Variants in SNX29 observed in about 807,000 individuals in gnomAD.
SNX29 encodes the protein sorting nexin-29.
In SNX29, 78 loss-of-function variants were observed where a neutral mutation model predicts 102.1. That is an observed-to-expected ratio of 0.76 (90% CI 0.64 to 0.92). The LOEUF is 0.92. Ranked by LOEUF, SNX29 falls within the 40% of genes least tolerant of loss-of-function variation. The probability of loss-of-function intolerance (pLI) is 0.00; values close to 1 mark genes in which losing one functional copy is unlikely to be tolerated. For missense variants in SNX29, 1,280 were observed against 1,061.7 expected (o/e 1.21, Z -2.86); for synonymous variants, 580 against 414.5 (o/e 1.40, Z -4.85).
intron 1 of SNX29, among the ~76,000 whole-genome samples, chr16:11,978,919 C>T (rs1396854399): frequency 7.0e-6 from 1 of 142,854 alleles, no homozygotes. Context: ...AACAAGACTT[C>T]GTCTCAAAAC....
intron 4 of SNX29, among the ~76,000 whole-genome samples, chr16:12,040,190 A>G (rs1439558871): frequency 6.6e-6 from 1 of 152,078 alleles, no homozygotes; most frequent in Non-Finnish European, 1.5e-5. Context: ...TGCACAACAT[A>G]GCAGAACCTC....
Position 12,571,415 on chromosome 16 carries a change from CTTCTTCTAAGAT to C in SNX29, c.*2788_*2799del, listed in dbSNP as rs2079184948. Reference sequence around the variant, plus strand: ...AGGATTGCTTGCACCTCACATCTGTCTTCTTCTAAGATTACTCGGAGATTTTCAAACAACATC... The same window carrying C: ...AGGATTGCTTGCACCTCACATCTGTCTACTCGGAGATTTTCAAACAACATC... On this transcript the variant is annotated 3_prime_UTR_variant, in exon 21 of 21. Transcript: ENST00000566228. 3.5e-5 allele frequency: 8 copies of C among 231,826 alleles called. No homozygotes were observed. In the East Asian group the frequency reaches 5.0e-4, roughly 15 times the overall value. The allele number at this position is 231,826 out of a possible 1,614,324, so 14.4% of individuals were successfully genotyped here.
intron 3 of SNX29, among the ~76,000 whole-genome samples, chr16:12,023,525 CTATGA>C: frequency 6.7e-6 from 1 of 149,048 alleles, no homozygotes; most frequent in South Asian, 2.1e-4. Context: ...CTGCAGTGAG[CTATGA>C]TCACACCACC....
At chr16:12,036,076 T>G (rs1405967295) in intron 4 of SNX29, among the ~76,000 whole-genome samples, 3 of 152,100 alleles carry the variant, frequency 2.0e-5, no homozygotes, top group East Asian at 3.9e-4. Context: ...GGTTTTTTTC[T>G]TTTTGTTTTG....
intron 18 of SNX29, among the ~76,000 whole-genome samples, chr16:12,456,046 A>G (rs1182685671): frequency 6.6e-6 from 1 of 152,172 alleles, no homozygotes; most frequent in Non-Finnish European, 1.5e-5. Flanking sequence ...GGTGATGTTC[A>G]TTTATTCATC....
chr16:12,404,030 T>A (rs1242107719), intron 18 of SNX29, among the ~76,000 whole-genome samples: 1 of 152,056 alleles, frequency 6.6e-6, no homozygotes, highest in African/African-American at 2.4e-5. Flanking sequence ...TCCTACACCT[T>A]GGGGTTGGGT....
At chr16:12,403,331 T>G in intron 17 of SNX29, 117 bp from the exon 18 acceptor site, 1 of 935,644 alleles carries the variant, frequency 1.1e-6, no homozygotes, top group Non-Finnish European at 1.6e-6. Context: ...TTGTCATAAA[T>G]TGCTTGTGCA....
At chr16:12,197,307 C>T (rs1022673405) in intron 13 of SNX29, among the ~76,000 whole-genome samples, 9 of 152,106 alleles carry the variant, frequency 5.9e-5, no homozygotes, top group African/African-American at 1.7e-4. Context: ...TGGTGGCTCA[C>T]ACCTGTAATC....
intron 19 of SNX29, among the ~76,000 whole-genome samples, chr16:12,508,753 G>C (rs149894508): frequency 9.9e-5 from 15 of 152,246 alleles, no homozygotes; most frequent in African/African-American, 3.6e-4. Flanking sequence ...CCAGCTCCAG[G>C]GCGGGGTATA....
At position 12,572,613 on chromosome 16, in the gene SNX29, C is replaced by T. The variant is rs1028023526; in HGVS notation, c.*3984C>T. ...TCCCAGTGAGCCCCCTCCCCTCCGG[C>T]TACCCCCAGAATCCATCCTTCATTC... On this transcript the variant is annotated 3_prime_UTR_variant, in exon 21 of 21. Coordinates refer to ENST00000566228, the MANE Select transcript of SNX29 (RefSeq NM_032167.5). 2.4e-5 allele frequency: 25 copies of T among 1,063,646 alleles called. No homozygotes were observed. The Admixed American group carries it at 4.3e-4, about 18-fold the overall frequency. 65.9% of individuals were successfully genotyped at this position (1,063,646 alleles called of 1,614,324 possible).
rs2079195795 is a variant in SNX29, at chr16:12,571,902, A to G, written c.*3273A>G. ...GGAGCTGAGGTTCAAAGCCCCCTGCATTTCTCTACTGGCAGGCCCTGGTGA... is the reference window on the plus strand; with the variant it reads ...GGAGCTGAGGTTCAAAGCCCCCTGCGTTTCTCTACTGGCAGGCCCTGGTGA... On this transcript the variant is annotated 3_prime_UTR_variant, in exon 21 of 21. Coordinates refer to ENST00000566228, the MANE Select transcript of SNX29 (RefSeq NM_032167.5). The G allele has an allele frequency of 3.8e-6, 4 of 1,061,756 alleles. No individual in the cohort carries two copies. The highest frequency in any genetic ancestry group is 4.6e-5 in the South Asian group (1 of 21,962). The allele number at this position is 1,061,756 out of a possible 1,614,324, so 65.8% of individuals were successfully genotyped here.
At chr16:12,384,484 T>A (rs2083281081) in intron 16 of SNX29, among the ~76,000 whole-genome samples, 1 of 152,256 alleles carries the variant, frequency 6.6e-6, no homozygotes, top group Non-Finnish European at 1.5e-5. Flanking sequence ...GGAGCACCTT[T>A]TCATAGACCT....
At chr16:12,151,296 CCACA>C (rs892320297) in intron 13 of SNX29, among the ~76,000 whole-genome samples, 1 of 144,094 alleles carries the variant, frequency 6.9e-6, no homozygotes, top group Non-Finnish European at 1.6e-5. Context: ...AAAATTATCA[CCACA>C]CACACACTAT....
intron 18 of SNX29, among the ~76,000 whole-genome samples, chr16:12,406,979 C>T (rs1260998106): frequency 2.0e-5 from 3 of 152,214 alleles, no homozygotes; most frequent in African/African-American, 4.8e-5. Flanking sequence ...AGCAGCCAGA[C>T]GTGGCTGATG....
chr16:11,980,973 T>TG (rs1389104362), intron 1 of SNX29, among the ~76,000 whole-genome samples: 5 of 152,066 alleles, frequency 3.3e-5, no homozygotes, highest in African/African-American at 1.2e-4. Flanking sequence ...TTCTTTTTTT[T>TG]TTTTTGAGTT....
rs375061825 is a variant in SNX29, at chr16:12,462,016, T to TACACACACACACACAC, written c.2038-15690_2038-15675dup. Reference sequence around the variant, plus strand: ...ATATATATATATATATATATATGTATACACACACACACACACACACACACA... The same window carrying TACACACACACACACAC: ...ATATATATATATATATATATATGTATACACACACACACACACACACACACACACACACACACACACA... On this transcript the variant is annotated intron_variant, in intron 18 of 20. Coordinates refer to ENST00000566228, the MANE Select transcript of SNX29 (RefSeq NM_032167.5). 3.3e-3 allele frequency among the ~76,000 whole-genome samples: 215 copies of TACACACACACACACAC among 65,178 alleles called. 4 individuals are homozygous for TACACACACACACACAC. The highest frequency in any genetic ancestry group is 0.02 in the African/African-American group (202 of 10,062). The allele number at this position is 65,178 out of a possible 152,430, so 42.8% of individuals were successfully genotyped here.
chr16:12,537,593 C>G (rs571287441), intron 20 of SNX29, among the ~76,000 whole-genome samples: 3 of 152,276 alleles, frequency 2.0e-5, no homozygotes, highest in Middle Eastern at 3.4e-3. Context: ...CTTCTTTGTT[C>G]AAACTCTCAC....
intron 13 of SNX29, among the ~76,000 whole-genome samples, chr16:12,190,395 A>C (rs2076612992): frequency 6.6e-6 from 1 of 152,160 alleles, no homozygotes; most frequent in African/African-American, 2.4e-5. Flanking sequence ...AGATGAGCAC[A>C]GGCCAGGGGT....
chr16:12,537,840 C>T (rs573640502), intron 20 of SNX29, among the ~76,000 whole-genome samples: 4 of 152,120 alleles, frequency 2.6e-5, no homozygotes, highest in Non-Finnish European at 4.4e-5. Context: ...AGTTGTCTGG[C>T]TGGGCATGGT....
Sources: gnomAD v4.1 joint callset for allele counts (sites outside exome capture counted in the v4.1 genomes callset) on GRCh38, gnomAD v4.1.1 for gene constraint, MANE v1.5 for transcripts, NCBI Gene and HGNC (gene_info 2026-07-23, HGNC 2026-07-21) for gene names.